SLC2A14: variants seen among roughly 807,000 people sequenced by gnomAD.
The protein encoded by SLC2A14 is solute carrier family 2 member 14, also known as solute carrier family 2, facilitated glucose transporter member 14.
A neutral mutation model predicts 43.0 loss-of-function variants in SLC2A14; 13 were observed. That is an observed-to-expected ratio of 0.30 (90% CI 0.20 to 0.48). The LOEUF (loss-of-function observed/expected upper bound fraction) is 0.48, where lower values mean the gene tolerates loss of function less well. Among genes scored for constraint, SLC2A14 ranks in the 20% least tolerant of loss-of-function variants. SLC2A14 has a pLI of 0.99. For synonymous variants in SLC2A14, 190 were observed against 233.8 expected (o/e 0.81, Z 1.71); for missense variants, 428 against 620.4 (o/e 0.69, Z 3.29).
At chr12:7,870,263 A>G (rs1442499899) in intron 1 of SLC2A14, among the ~76,000 whole-genome samples, 1 of 152,162 alleles carries the variant, frequency 6.6e-6, no homozygotes, top group African/African-American at 2.4e-5. Context: ...CCCATCTGCA[A>G]AATGAGCAAG....
intron 1 of SLC2A14, among the ~76,000 whole-genome samples, chr12:7,884,951 T>C (rs1401815068): frequency 1.3e-5 from 2 of 152,086 alleles, no homozygotes; most frequent in Non-Finnish European, 2.9e-5. Flanking sequence ...GACTATTTTT[T>C]TTTTCCTCAT....
chr12:7,865,635 T>A (rs1419281214), intron 2 of SLC2A14, among the ~76,000 whole-genome samples: 1 of 152,128 alleles, frequency 6.6e-6, no homozygotes, highest in Non-Finnish European at 1.5e-5. Context: ...ATTCCCCATT[T>A]CTCTCTCCTT....
chr12:7,859,067 T>C (rs751722255), intron 2 of SLC2A14, among the ~76,000 whole-genome samples: 1 of 152,112 alleles, frequency 6.6e-6, no homozygotes, highest in Non-Finnish European at 1.5e-5. Flanking sequence ...CTTTCCCCCA[T>C]TGAATAATCT....
At chr12:7,828,269 G>T (rs1864672089) in intron 6 of SLC2A14, among the ~76,000 whole-genome samples, 1 of 152,024 alleles carries the variant, frequency 6.6e-6, no homozygotes, top group Non-Finnish European at 1.5e-5. Context: ...GGAGGCTAAG[G>T]CAGGAGAATC....
chr12:7,887,772 AG>A (rs1945712325), intron 1 of SLC2A14, among the ~76,000 whole-genome samples: 1 of 152,164 alleles, frequency 6.6e-6, no homozygotes, highest in South Asian at 2.1e-4. Flanking sequence ...TTATTCAAGA[AG>A]TCTCCCAACT....
At chr12:7,889,933 GC>G (rs58915555) in intron 1 of SLC2A14, among the ~76,000 whole-genome samples, 28,917 of 151,860 alleles carry the variant, frequency 0.19, 3,065 homozygotes, top group Middle Eastern at 0.31. Context: ...TCCCCAGGTT[GC>G]CTTGGCATTC....
At chr12:7,845,961 T>C (rs1160857483) in intron 2 of SLC2A14, among the ~76,000 whole-genome samples, 1 of 151,316 alleles carries the variant, frequency 6.6e-6, no homozygotes, top group Non-Finnish European at 1.5e-5. Context: ...GGCGTGGTGG[T>C]GCATGCCTGT....
chr12:7,821,210 A>G lies in SLC2A14; in HGVS notation c.969+11T>C, dbSNP rs1001860780. The G allele has an allele frequency of 3.1e-6, 5 of 1,607,256 alleles. No homozygotes were observed. The Admixed American group carries it at 6.7e-5, about 21-fold the overall frequency. ...TTTCTCCCCCCAAAATTATCAAACC[A>G]TCCAACTTACAGAAAGTAAAGTGAA... On this transcript the variant is annotated intron_variant, in intron 8 of 10. Coordinates refer to ENST00000431042, the MANE Select transcript of SLC2A14 (RefSeq NM_001286234.2).
At chr12:7,884,569 C>T (rs1187737945) in intron 1 of SLC2A14, among the ~76,000 whole-genome samples, 1 of 152,106 alleles carries the variant, frequency 6.6e-6, no homozygotes, top group Non-Finnish European at 1.5e-5. Flanking sequence ...TTTTATCCCA[C>T]ATCAGCTAAC....
intron 1 of SLC2A14, among the ~76,000 whole-genome samples, chr12:7,884,950 T>C (rs993549259): frequency 6.6e-6 from 1 of 152,100 alleles, no homozygotes; most frequent in South Asian, 2.1e-4. Flanking sequence ...GGACTATTTT[T>C]TTTTTCCTCA....
At chr12:7,850,556 C>A (rs970514371) in intron 2 of SLC2A14, among the ~76,000 whole-genome samples, 3 of 151,936 alleles carry the variant, frequency 2.0e-5, no homozygotes, top group Non-Finnish European at 4.4e-5. Flanking sequence ...CCACCACACC[C>A]GGCTAATGTT....
intron 2 of SLC2A14, chr12:7,863,551 C>T: frequency 2.7e-6 from 1 of 366,926 alleles, no homozygotes; most frequent in Non-Finnish European, 5.5e-6. Flanking sequence ...GAACCCAGGA[C>T]ACAGAGGTTG....
At chr12:7,864,466 C>T (rs766616658) in intron 2 of SLC2A14, among the ~76,000 whole-genome samples, 1 of 151,990 alleles carries the variant, frequency 6.6e-6, no homozygotes, top group Admixed American at 6.6e-5. Flanking sequence ...AGCCTTCCAA[C>T]TAGCTGGGAC....
chr12:7,870,151 G>A (rs765069842), intron 1 of SLC2A14, among the ~76,000 whole-genome samples: 1 of 152,236 alleles, frequency 6.6e-6, no homozygotes, highest in South Asian at 2.1e-4. Context: ...CCATTGAGAA[G>A]CATTTTTTCA....
upstream of SLC2A14, among the ~76,000 whole-genome samples, chr12:7,875,678 A>G (rs1945452260): frequency 6.6e-6 from 1 of 152,028 alleles, no homozygotes; most frequent in Non-Finnish European, 1.5e-5. Flanking sequence ...TGTACTTATA[A>G]AAGAGACACC....
intron 2 of SLC2A14, among the ~76,000 whole-genome samples, chr12:7,849,519 G>C (rs1402408309): frequency 6.6e-6 from 1 of 151,744 alleles, no homozygotes; most frequent in Non-Finnish European, 1.5e-5. Context: ...AGTAAATCAA[G>C]AAAGAACAGC....
intron 2 of SLC2A14, among the ~76,000 whole-genome samples, chr12:7,840,389 GT>G (rs1040617729): frequency 1.3e-5 from 2 of 151,558 alleles, no homozygotes; most frequent in Non-Finnish European, 2.9e-5. Flanking sequence ...TTTTGTTTTT[GT>G]TTTTTTGAGA....
intron 1 of SLC2A14, among the ~76,000 whole-genome samples, chr12:7,880,838 C>T (rs999232393): frequency 1.3e-5 from 2 of 151,350 alleles, no homozygotes; most frequent in African/African-American, 4.9e-5. Context: ...AACCCTGTCT[C>T]TACTAAAAAT....
chr12:7,886,275 C>T (rs1347340914), intron 1 of SLC2A14, among the ~76,000 whole-genome samples: 5 of 150,892 alleles, frequency 3.3e-5, no homozygotes, highest in Non-Finnish European at 7.4e-5. Flanking sequence ...GATCCTCCCA[C>T]CTCAGCCTCC....
Sources: allele counts gnomAD v4.1 joint callset (sites outside exome capture counted in the v4.1 genomes callset), GRCh38; gene constraint gnomAD v4.1.1; transcripts MANE v1.5; gene names NCBI Gene and HGNC (gene_info 2026-07-23, HGNC 2026-07-21).